Variants in RANBP3 observed in about 807,000 individuals in gnomAD.
RANBP3 encodes the protein RAN binding protein 3.
RANBP3 carries 14 observed loss-of-function variants against 77.3 expected under a neutral mutation model. That is an observed-to-expected ratio of 0.18 (90% CI 0.12 to 0.28). The LOEUF (loss-of-function observed/expected upper bound fraction) is 0.28, where lower values mean the gene tolerates loss of function less well. Ranked by LOEUF, RANBP3 falls within the 10% of genes least tolerant of loss-of-function variation. The pLI, the probability that RANBP3 is intolerant of heterozygous loss-of-function variation, is 1.00. For synonymous variants in RANBP3, 315 were observed against 312.4 expected (o/e 1.01, Z -0.09); for missense variants, 586 against 752.3 (o/e 0.78, Z 2.59).
chr19:5,943,584 G>A (rs536055867), intron 3 of RANBP3, among the ~76,000 whole-genome samples: 3 of 152,286 alleles, frequency 2.0e-5, no homozygotes, highest in East Asian at 1.9e-4. Context: ...CACATAGCTC[G>A]TTCACGACGG....
intron 1 of RANBP3, among the ~76,000 whole-genome samples, chr19:5,961,864 C>T (rs890681100): frequency 2.0e-5 from 3 of 152,022 alleles, no homozygotes; most frequent in African/African-American, 7.3e-5. Flanking sequence ...ACTGAAAAGC[C>T]CGCTGTCGCT....
chr19:5,978,022 C>T (rs1568488471), intron 1 of RANBP3, 39 bp downstream of exon 1: 4 of 1,607,566 alleles, frequency 2.5e-6, no homozygotes, highest in East Asian at 4.5e-5. Context: ...GCCGCCCGTT[C>T]CCCGGCCGCC....
intron 3 of RANBP3, among the ~76,000 whole-genome samples, chr19:5,948,889 C>A (rs2058241111): frequency 6.6e-6 from 1 of 152,188 alleles, no homozygotes; most frequent in Non-Finnish European, 1.5e-5. Context: ...GAGCTGCCTG[C>A]TTTCTCCACA....
chr19:5,934,412 A>C (rs1270097274), intron 5 of RANBP3: 1 of 152,258 alleles, frequency 6.6e-6, no homozygotes, highest in East Asian at 1.9e-4. Context: ...ATCAATATAC[A>C]AAAATCGATT....
At chr19:5,929,382 C>T (rs538889845) in intron 8 of RANBP3, among the ~76,000 whole-genome samples, 2 of 152,360 alleles carry the variant, frequency 1.3e-5, no homozygotes, top group East Asian at 1.9e-4. Flanking sequence ...TGGCTTTCTG[C>T]GCTGTGTGCC....
intron 1 of RANBP3, among the ~76,000 whole-genome samples, chr19:5,967,063 G>A (rs1206368443): frequency 2.6e-5 from 4 of 152,206 alleles, no homozygotes; most frequent in Admixed American, 2.0e-4. Context: ...TGTCACTGAC[G>A]TGTCAGGTCT....
At chr19:5,926,037 A>G (rs547963008) in intron 9 of RANBP3, among the ~76,000 whole-genome samples, 2 of 152,322 alleles carry the variant, frequency 1.3e-5, no homozygotes, top group Admixed American at 6.5e-5. Flanking sequence ...CTCTCGGTCA[A>G]TGCTTCATAC....
At chr19:5,975,695 G>A (rs141777649) in intron 1 of RANBP3, among the ~76,000 whole-genome samples, 25 of 147,186 alleles carry the variant, frequency 1.7e-4, no homozygotes, top group African/African-American at 5.1e-4. Context: ...AAATCAAGCA[G>A]GGTGAACGGA....
At chr19:5,943,910 C>T (rs941197156) in intron 3 of RANBP3, among the ~76,000 whole-genome samples, 3 of 152,218 alleles carry the variant, frequency 2.0e-5, no homozygotes, top group African/African-American at 4.8e-5. Flanking sequence ...GTACCAACTC[C>T]GGCCAGGCCA....
At chr19:5,935,583 A>G (rs1255076400) in intron 5 of RANBP3, 1 of 364,874 alleles carries the variant, frequency 2.7e-6, no homozygotes, top group East Asian at 7.4e-5. Flanking sequence ...GCCCTTCCAC[A>G]CTCCGCTCCG....
chr19:5,952,037 A>C lies in RANBP3; in HGVS notation c.79-441T>G, dbSNP rs1424549286. Among the ~76,000 whole-genome samples the C allele has an allele frequency of 6.6e-6, 1 of 152,056 alleles. No individual in the cohort carries two copies. On this transcript the variant is annotated intron_variant, in intron 2 of 16. Transcript: ENST00000340578. This position sits in a 1 kb window ranked among gnomAD's most constrained non-coding sequence, Gnocchi z 4.1. ...TTTAGGAAAGAGGGAGGTGGCTGGAACCCCAAAGTTAGGGAGAAACCAGGG... is the reference window on the plus strand; with the variant it reads ...TTTAGGAAAGAGGGAGGTGGCTGGACCCCCAAAGTTAGGGAGAAACCAGGG...
rs1464243196 is a variant in RANBP3 at position 5,958,263 on chromosome 19, A to G, written c.23-290T>C. ...GCGGGCGTGTAAATGGGAGTGGGAGAGCAGCGGAGAGTGTGGCAGCGCTAT... is the reference window on the plus strand; with the variant it reads ...GCGGGCGTGTAAATGGGAGTGGGAGGGCAGCGGAGAGTGTGGCAGCGCTAT... On this transcript the variant is annotated intron_variant, in intron 1 of 16. Transcript: ENST00000340578. This position sits in a 1 kb window ranked among gnomAD's most constrained non-coding sequence, Gnocchi z 4.4. Among the ~76,000 whole-genome samples the G allele has an allele frequency of 1.3e-5, 2 of 152,166 alleles. No individual in the cohort carries two copies. Among genetic ancestry groups the G allele is most frequent in the Non-Finnish European group, 2.9e-5 (2 of 68,022 alleles).
rs1032477838 is a variant in RANBP3, at chr19:5,917,859, G to A, written c.1595C>T (p.Pro532Leu). The A allele has an allele frequency of 1.2e-6, 2 of 1,612,842 alleles. No individual in the cohort carries two copies. Residue 532 changes from proline (P) to leucine (L), a missense_variant, in exon 16 of 17, where the codon CCA (proline) becomes CTA (leucine). Physicochemically the swap from Pro to Leu is moderately conservative, Grantham distance 98. Coordinates refer to ENST00000340578, the MANE Select transcript of RANBP3 (RefSeq NM_007322.3). ...KMPAPEPGAA[P>L]SNEEDDSDDD... ...GTCGCTGTCGTCCTCCTCGTTGGAT[G>A]GGGCTGCCCCAGGCTCAGGCGCGGG...
At chr19:5,957,644 C>G (rs1028637465) in intron 2 of RANBP3, among the ~76,000 whole-genome samples, 1 of 151,232 alleles carries the variant, frequency 6.6e-6, no homozygotes, top group African/African-American at 2.4e-5. Context: ...AACAAATCAT[C>G]AGGAATTAGG....
chr19:5,929,271 C>CACA (rs1474968233), intron 8 of RANBP3, among the ~76,000 whole-genome samples: 1 of 152,364 alleles, frequency 6.6e-6, no homozygotes, highest in African/African-American at 2.4e-5. Context: ...AAATTAAACA[C>CACA]ACAACGTGTT....
At chr19:5,945,153 G>A (rs1568464471) in intron 3 of RANBP3, among the ~76,000 whole-genome samples, 1 of 152,178 alleles carries the variant, frequency 6.6e-6, no homozygotes, top group Non-Finnish European at 1.5e-5. Context: ...GTAGAAGCCC[G>A]TTTAGCATTT....
At chr19:5,926,572 T>C (rs1224576917) in intron 9 of RANBP3, among the ~76,000 whole-genome samples, 1 of 152,060 alleles carries the variant, frequency 6.6e-6, no homozygotes, top group Non-Finnish European at 1.5e-5. Flanking sequence ...AAAGAATCCA[T>C]GGCTCAAGTT....
intron 3 of RANBP3, among the ~76,000 whole-genome samples, chr19:5,944,796 G>A (rs2058182892): frequency 6.6e-6 from 1 of 152,204 alleles, no homozygotes; most frequent in Non-Finnish European, 1.5e-5. Flanking sequence ...GCAGGCCCAG[G>A]ACATCCCCAC....
Position 5,924,709 on chromosome 19 carries a change from G to A in RANBP3, c.996+118C>T. 1.9e-6 allele frequency: 2 copies of A among 1,036,410 alleles called. No homozygotes were observed. The highest frequency in any genetic ancestry group is 2.4e-5 in the East Asian group (1 of 42,068). The allele number at this position is 1,036,410 out of a possible 1,614,324, so 64.2% of individuals were successfully genotyped here. A position where few individuals can be genotyped will look rare whatever the true frequency, so the allele number is the denominator to read the frequency against. ...GGTCTTCCCTCTCTCACTTGCTACTGAAGGCATCCCCATCTCACATAGGAC... is the reference window on the plus strand; with the variant it reads ...GGTCTTCCCTCTCTCACTTGCTACTAAAGGCATCCCCATCTCACATAGGAC... On this transcript the variant is annotated intron_variant, in intron 11 of 16. Transcript: ENST00000340578. The surrounding 1 kb of genome is among the most constrained non-coding windows in gnomAD (Gnocchi z 4.7).
Sources: allele counts gnomAD v4.1 joint callset (sites outside exome capture counted in the v4.1 genomes callset), GRCh38; gene constraint gnomAD v4.1.1; non-coding constraint Gnocchi (gnomAD v3.1); transcripts MANE v1.5; gene names NCBI Gene and HGNC (gene_info 2026-07-23, HGNC 2026-07-21).